Variants in VPS13B observed in about 807,000 individuals in gnomAD.
VPS13B encodes intermembrane lipid transfer protein VPS13B.
Under a neutral mutation model 426.4 loss-of-function variants are expected in VPS13B, and 285 were observed. The observed-to-expected ratio is 0.67, with a 90% CI of 0.61 to 0.74. The LOEUF is 0.74. VPS13B is among the 30% of genes least tolerant of loss of function. The pLI is 0.00. For missense variants in VPS13B, 4,537 were observed against 4,782.6 expected (o/e 0.95, Z 1.51); for synonymous variants, 1,676 against 1,676.4 (o/e 1.00, Z 0.01).
chr8:99,850,376 T>TATAC (rs756435573), intron 55 of VPS13B, among the ~76,000 whole-genome samples: 2 of 149,042 alleles, frequency 1.3e-5, no homozygotes, highest in Admixed American at 1.3e-4. Context: ...TGTATGTACT[T>TATAC]ATACATACAT....
rs1039341991 is a variant in VPS13B at position 99,143,058 on chromosome 8, T to C, written c.1736T>C (p.Ile579Thr). The change falls in exon 13 of 62, where the codon ATA becomes ACA. Residue 579 changes from isoleucine (I) to threonine (T), a missense_variant. Physicochemically the swap from Ile to Thr is moderately conservative, Grantham distance 89 (BLOSUM62 -1). This residue lies in a region of VPS13B where 4,311 missense variants were observed against 4,474.3 expected (regional missense o/e 0.96). Coordinates refer to ENST00000357162, the MANE Select transcript of VPS13B (RefSeq NM_152564.5). Reference sequence around the variant, plus strand: ...GAGAAGTCCACCAAAAGCCTTGTTATAGGTCCTCTTGATTTTCGTTTGGAT... The same window carrying C: ...GAGAAGTCCACCAAAAGCCTTGTTACAGGTCCTCTTGATTTTCGTTTGGAT... ...VQEKSTKSLV[I>T]GPLDFRLDSS... 5 of 1,614,058 alleles carry C rather than the reference T, an allele frequency of 3.1e-6. No individual in the cohort carries two copies. In the South Asian group the frequency reaches 5.5e-5, roughly 18 times the overall value.
At chr8:99,089,279 T>G (rs1846016693) in intron 3 of VPS13B, among the ~76,000 whole-genome samples, 1 of 152,182 alleles carries the variant, frequency 6.6e-6, no homozygotes, top group African/African-American at 2.4e-5. Flanking sequence ...ACAATGTTTT[T>G]TCTGTTTGTC....
chr8:99,434,812 A>T (rs1158392163), intron 22 of VPS13B, among the ~76,000 whole-genome samples: 1 of 152,170 alleles, frequency 6.6e-6, no homozygotes, highest in African/African-American at 2.4e-5. Context: ...TATCAGCTAT[A>T]TTTCACCAGT....
At chr8:99,841,629 A>C (rs895683143) in intron 54 of VPS13B, among the ~76,000 whole-genome samples, 1 of 152,144 alleles carries the variant, frequency 6.6e-6, no homozygotes, top group Non-Finnish European at 1.5e-5. Context: ...TGGGATTCAA[A>C]CCTGGGACTG....
At chr8:99,081,852 A>G (rs900421252) in intron 3 of VPS13B, among the ~76,000 whole-genome samples, 13 of 151,902 alleles carry the variant, frequency 8.6e-5, no homozygotes, top group African/African-American at 3.1e-4. Context: ...TTCTTAATCC[A>G]GTCTATAATT....
At chr8:99,372,372 T>C (rs1406306258) in intron 19 of VPS13B, among the ~76,000 whole-genome samples, 2 of 151,750 alleles carry the variant, frequency 1.3e-5, no homozygotes, top group Admixed American at 6.6e-5. Flanking sequence ...AGAGTGAACA[T>C]GCAGCCTACA....
intron 17 of VPS13B, among the ~76,000 whole-genome samples, chr8:99,199,882 T>G (rs768255371): frequency 6.6e-6 from 1 of 152,202 alleles, no homozygotes; most frequent in African/African-American, 2.4e-5. Context: ...TAAAAACAGT[T>G]TTATTTATAT....
chr8:99,237,073 G>T (rs1157155468), intron 17 of VPS13B, among the ~76,000 whole-genome samples: 2 of 152,128 alleles, frequency 1.3e-5, no homozygotes, highest in African/African-American at 4.8e-5. Flanking sequence ...TTTTTTACCT[G>T]CCACCATCCA....
At chr8:99,272,376 TA>T (rs781633387) in intron 17 of VPS13B, among the ~76,000 whole-genome samples, 21 of 152,310 alleles carry the variant, frequency 1.4e-4, no homozygotes, top group Non-Finnish European at 2.8e-4. Flanking sequence ...TTACCTTCCC[TA>T]ATCTATTGCA....
At chr8:99,767,493 C>CAAA (rs869220303) in intron 40 of VPS13B, among the ~76,000 whole-genome samples, 4,245 of 33,224 alleles carry the variant, frequency 0.13, 493 homozygotes, top group East Asian at 0.38. Context: ...GCAACTCTCT[C>CAAA]AAAAAAAAAA....
intron 35 of VPS13B, among the ~76,000 whole-genome samples, chr8:99,681,953 G>A (rs577834186): frequency 7.2e-5 from 11 of 152,208 alleles, no homozygotes; most frequent in African/African-American, 2.6e-4. Flanking sequence ...CCAGAAACCA[G>A]CACCACAAAA....
chr8:99,720,951 A>G lies in VPS13B; in HGVS notation c.6954A>G (p.Glu2318=), dbSNP rs745811385. The change falls in exon 39 of 62, where the codon GAA becomes GAG. Residue 2318 remains glutamate, a synonymous_variant. Transcript: ENST00000357162. ...CPGMMLWRYP[E]PRVLTLVRIT... is the part of the protein sequence containing the mutation. ...GGATGATGTTATGGAGATATCCAGA[A>G]CCTAGAGTACTCACCCTTGTACGAA... is the stretch of plus-strand genomic sequence containing the variant. The G allele has an allele frequency of 1.2e-5, 19 of 1,613,872 alleles. No homozygotes were observed. Among genetic ancestry groups the G allele is most frequent in the South Asian group, 3.3e-5 (3 of 91,082 alleles).
intron 19 of VPS13B, among the ~76,000 whole-genome samples, chr8:99,335,867 A>G (rs928050633): frequency 6.6e-6 from 1 of 152,200 alleles, no homozygotes; most frequent in Non-Finnish European, 1.5e-5. Context: ...ATAAAAGAGG[A>G]TACAAACAAA....
At chr8:99,395,765 A>C (rs1238819163) in intron 21 of VPS13B, among the ~76,000 whole-genome samples, 2 of 152,210 alleles carry the variant, frequency 1.3e-5, no homozygotes, top group African/African-American at 4.8e-5. Flanking sequence ...GAAACTAGCC[A>C]ATAGAAATAG....
intron 48 of VPS13B, 134 bp from the exon 49 acceptor site, chr8:99,819,787 A>C: frequency 7.7e-7 from 1 of 1,302,548 alleles, no homozygotes; most frequent in Non-Finnish European, 1.1e-6. Flanking sequence ...CTGCATGCAA[A>C]TTTAGCATTG....
At chr8:99,329,496 A>G (rs1015090797) in intron 19 of VPS13B, among the ~76,000 whole-genome samples, 3 of 152,094 alleles carry the variant, frequency 2.0e-5, no homozygotes, top group Non-Finnish European at 2.9e-5. Flanking sequence ...TTGACATCCA[A>G]TGCATGTTTT....
intron 33 of VPS13B, among the ~76,000 whole-genome samples, chr8:99,582,793 C>A (rs1325553698): frequency 6.6e-6 from 1 of 152,022 alleles, no homozygotes; most frequent in Non-Finnish European, 1.5e-5. Flanking sequence ...GTAGCTGGGA[C>A]TAGAGGCGCC....
At chr8:99,371,354 G>A (rs762137831) in intron 19 of VPS13B, among the ~76,000 whole-genome samples, 17 of 152,110 alleles carry the variant, frequency 1.1e-4, no homozygotes, top group Non-Finnish European at 2.2e-4. Flanking sequence ...TCCTTTTCCC[G>A]TTGCTTGTTT....
intron 19 of VPS13B, among the ~76,000 whole-genome samples, chr8:99,308,219 G>C (rs1820742441): frequency 1.3e-5 from 2 of 151,062 alleles, no homozygotes; most frequent in Admixed American, 1.3e-4. Flanking sequence ...TAGGGAACAT[G>C]TGCACAACGT....
Sources: allele counts gnomAD v4.1 joint callset (sites outside exome capture counted in the v4.1 genomes callset), GRCh38; gene constraint gnomAD v4.1.1; regional missense constraint gnomAD v4.1.1; transcripts MANE v1.5; gene names NCBI Gene and HGNC (gene_info 2026-07-23, HGNC 2026-07-21).